GRHL2: variants seen among roughly 807,000 people sequenced by gnomAD.
GRHL2 encodes grainyhead-like protein 2 homolog.
GRHL2 carries 21 observed loss-of-function variants against 83.8 expected under a neutral mutation model. The ratio of observed to expected loss-of-function variants is 0.25; its 90% CI spans 0.18 to 0.36. The LOEUF (loss-of-function observed/expected upper bound fraction) is 0.36, where lower values mean the gene tolerates loss of function less well. Among genes scored for constraint, GRHL2 ranks in the 10% least tolerant of loss-of-function variants. The pLI is 1.00. For missense variants in GRHL2, 623 were observed against 781.8 expected, an observed-to-expected ratio of 0.80 and a Z score of 2.42; for synonymous variants, 280 against 278.9, an observed-to-expected ratio of 1.00 and a Z score of -0.04.
intron 1 of GRHL2, among the ~76,000 whole-genome samples, chr8:101,506,824 T>C (rs539122854): frequency 9.3e-5 from 8 of 86,420 alleles, no homozygotes; most frequent in South Asian, 9.7e-4. Context: ...GTAATTTGTT[T>C]ATTTGCAAGG....
rs771272578 is a variant in GRHL2 at position 101,666,704 on chromosome 8, C to T, written c.*1C>T. 4 of 1,596,212 alleles carry T rather than the reference C, an allele frequency of 2.5e-6. No individual in the cohort carries two copies. In the South Asian group the frequency reaches 4.4e-5, roughly 18 times the overall value. Reference sequence around the variant, plus strand: ...CAAGGTCACGCTCATGGAAATCTAGCCCTGGGTTTGGCATCCGCTTTGGCT... The same window carrying T: ...CAAGGTCACGCTCATGGAAATCTAGTCCTGGGTTTGGCATCCGCTTTGGCT... On this transcript the variant is annotated 3_prime_UTR_variant, in exon 16 of 16. Coordinates refer to ENST00000646743, the MANE Select transcript of GRHL2 (RefSeq NM_024915.4).
At chr8:101,632,133 C>T (rs961154802) in intron 10 of GRHL2, 93 bp from the exon 11 acceptor site, 2 of 1,354,542 alleles carry the variant, frequency 1.5e-6, no homozygotes, top group African/African-American at 2.9e-5. Flanking sequence ...CAGAAAGCTT[C>T]ATATGAGAAA....
chr8:101,665,918 T>TCTAC (rs1814042989), intron 15 of GRHL2, among the ~76,000 whole-genome samples: 1 of 151,942 alleles, frequency 6.6e-6, no homozygotes, highest in African/African-American at 2.4e-5. Context: ...TAAAACTCTA[T>TCTAC]CAGGGATAGT....
At chr8:101,600,917 A>G (rs2470625) in intron 8 of GRHL2, among the ~76,000 whole-genome samples, 146,504 of 152,280 alleles carry the variant, frequency 0.96, 70,649 homozygotes, top group African/African-American at 0.98. Flanking sequence ...CAGCACTTTG[A>G]GAGGCCAAGG....
chr8:101,595,891 C>T (rs924929794), intron 7 of GRHL2, among the ~76,000 whole-genome samples: 8 of 152,018 alleles, frequency 5.3e-5, no homozygotes, highest in African/African-American at 9.7e-5. Context: ...GAGGCCGAGG[C>T]GGGTGGATCA....
At chr8:101,611,260 G>C (rs1328604307) in intron 8 of GRHL2, among the ~76,000 whole-genome samples, 3 of 151,078 alleles carry the variant, frequency 2.0e-5, no homozygotes, top group Middle Eastern at 3.2e-3. Context: ...AGTTAGTTAT[G>C]TTAGTTCTTT....
At chr8:101,653,539 C>G (rs1813716530) in intron 14 of GRHL2, among the ~76,000 whole-genome samples, 1 of 152,102 alleles carries the variant, frequency 6.6e-6, no homozygotes, top group African/African-American at 2.4e-5. Flanking sequence ...CACTTGAGGT[C>G]AGGAGCTCAA....
intron 8 of GRHL2, among the ~76,000 whole-genome samples, chr8:101,602,387 G>A (rs778650291): frequency 9.9e-5 from 15 of 152,176 alleles, no homozygotes; most frequent in Non-Finnish European, 1.9e-4. Context: ...CGTTGGTAAC[G>A]TCTGCACAGA....
chr8:101,665,240 C>T (rs991919661), intron 15 of GRHL2, among the ~76,000 whole-genome samples: 14 of 152,188 alleles, frequency 9.2e-5, no homozygotes, highest in African/African-American at 3.4e-4. Flanking sequence ...TGCCGTCTGA[C>T]TTTCTGTGTG....
chr8:101,634,672 G>T (rs1372518783), intron 11 of GRHL2, among the ~76,000 whole-genome samples: 1 of 152,156 alleles, frequency 6.6e-6, no homozygotes, highest in Non-Finnish European at 1.5e-5. Context: ...GCAGCCCTGT[G>T]GTTCTCATGG....
At chr8:101,523,598 C>T (rs1046319143) in intron 1 of GRHL2, among the ~76,000 whole-genome samples, 1 of 151,968 alleles carries the variant, frequency 6.6e-6, no homozygotes, top group South Asian at 2.1e-4. Flanking sequence ...ACCTCAGCCT[C>T]CCAAGTAGCT....
intron 1 of GRHL2, among the ~76,000 whole-genome samples, chr8:101,533,832 T>C (rs2130091481): frequency 6.6e-6 from 1 of 152,130 alleles, no homozygotes; most frequent in Middle Eastern, 3.4e-3. Context: ...GGCCTTAAGG[T>C]GGGACCAGTG....
At position 101,543,259 on chromosome 8, in the gene GRHL2, C is replaced by A; in HGVS notation, c.39C>A (p.Ala13=). The stretch of plus-strand genomic sequence containing the variant: ...TTTACAGTAATAAAAGACTAGTGGC[C>A]TTAGTGCCCATGCCCAGTGACCCTC... ...QESDNNKRLV[A]LVPMPSDPPF... The change falls in exon 2 of 16, where the codon GCC becomes GCA. Residue 13 remains alanine, a synonymous_variant. Transcript: ENST00000646743. 1 of 1,614,002 alleles carries A rather than the reference C, an allele frequency of 6.2e-7. No homozygotes were observed. The highest frequency in any genetic ancestry group is 2.2e-5 in the East Asian group (1 of 44,886).
intron 1 of GRHL2, among the ~76,000 whole-genome samples, chr8:101,522,173 G>A (rs1418538582): frequency 6.6e-6 from 1 of 151,766 alleles, no homozygotes; most frequent in African/African-American, 2.4e-5. Flanking sequence ...CCCCTTCCTG[G>A]CAAAGGACTA....
intron 1 of GRHL2, among the ~76,000 whole-genome samples, chr8:101,540,118 A>G (rs1811122689): frequency 6.6e-6 from 1 of 152,228 alleles, no homozygotes. Flanking sequence ...TTTACCAAAA[A>G]TTGATATATC....
At position 101,558,646 on chromosome 8, in the gene GRHL2, C is replaced by G; in HGVS notation, c.512C>G (p.Pro171Arg). The change falls in exon 4 of 16, where the codon CCT becomes CGT. Residue 171 changes from proline to arginine, a missense_variant. Physicochemically the swap from Pro to Arg is moderately radical, Grantham distance 103 (BLOSUM62 -2). Around this residue, in one of 8 missense-constraint regions of GRHL2, gnomAD observed 239 missense variants for 240.5 expected, o/e 0.99. Transcript: ENST00000646743. Reference sequence around the variant, plus strand: ...TTCACACCAGTTTTCATGGCCCCACCTGTGCACTATCCCCGGGGAGATGGG... The same window carrying G: ...TTCACACCAGTTTTCATGGCCCCACGTGTGCACTATCCCCGGGGAGATGGG... ...EDFTPVFMAP[P>R]VHYPRGDGEE... The G allele has an allele frequency of 6.2e-7, 1 of 1,614,192 alleles. No homozygotes were observed. Among genetic ancestry groups the G allele is most frequent in the South Asian group, 1.1e-5 (1 of 91,084 alleles).
intron 2 of GRHL2, among the ~76,000 whole-genome samples, chr8:101,547,835 A>G (rs1811296650): frequency 1.3e-5 from 2 of 152,222 alleles, no homozygotes; most frequent in South Asian, 4.1e-4. Context: ...TAATTTAGAG[A>G]CTAAAATTCT....
At position 101,661,140 on chromosome 8, in the gene GRHL2, A is replaced by AT. The variant is rs201629876; in HGVS notation, c.1699-3307dup. On this transcript the variant is annotated intron_variant, in intron 14 of 15. Coordinates refer to ENST00000646743, the MANE Select transcript of GRHL2 (RefSeq NM_024915.4). ...AAAACATTATGAATATTTTTTTGCAATTTTTTTAAAAAGTCCATCAGCTAT... is the reference window on the plus strand; with the variant it reads ...AAAACATTATGAATATTTTTTTGCAATTTTTTTTAAAAAGTCCATCAGCTAT... Among the ~76,000 whole-genome samples, 686 of 151,760 alleles carry AT rather than the reference A, an allele frequency of 4.5e-3. 3 individuals are homozygous for AT. Among genetic ancestry groups the AT allele is most frequent in the Non-Finnish European group, 8.1e-3 (552 of 68,006 alleles).
chr8:101,668,930 G>A lies in GRHL2; in HGVS notation c.*2227G>A, dbSNP rs1814141638. The A allele has an allele frequency of 6.6e-6, 1 of 152,228 alleles. No individual in the cohort carries two copies. The highest frequency in any genetic ancestry group is 2.4e-5 in the African/African-American group (1 of 41,456). The allele number at this position is 152,228 out of a possible 1,614,324, so 9.4% of individuals were successfully genotyped here. On this transcript the variant is annotated 3_prime_UTR_variant, in exon 16 of 16. Transcript: ENST00000646743. ...CTAAGGCAGAAGATGAATTGAAGAT[G>A]CTGTGCATGTTTCCTAAGTCCTTGA...
Sources: allele counts gnomAD v4.1 joint callset (sites outside exome capture counted in the v4.1 genomes callset), GRCh38; gene constraint gnomAD v4.1.1; regional missense constraint gnomAD v4.1.1; transcripts MANE v1.5; gene names NCBI Gene and HGNC (gene_info 2026-07-23, HGNC 2026-07-21).